The following ZBTB43 variants were observed in gnomAD, a reference collection of about 807,000 sequenced individuals.
The protein encoded by ZBTB43 is zinc finger and BTB domain containing 43.
Under a neutral mutation model 31.1 loss-of-function variants are expected in ZBTB43, and 6 were observed. The observed-to-expected ratio is 0.19, with a 90% CI of 0.11 to 0.38. The LOEUF is 0.38. Among genes scored for constraint, ZBTB43 ranks in the 10% least tolerant of loss-of-function variants. The pLI is 1.00. For synonymous variants in ZBTB43, 212 were observed against 221.7 expected, an observed-to-expected ratio of 0.96 and a Z score of 0.39; for missense variants, 379 against 602.1, an observed-to-expected ratio of 0.63 and a Z score of 3.88.
intron 1 of ZBTB43, among the ~76,000 whole-genome samples, chr9:126,807,388 C>T (rs1468018756): frequency 6.6e-6 from 1 of 152,168 alleles, no homozygotes; most frequent in Non-Finnish European, 1.5e-5. Flanking sequence ...AAGTTCTACT[C>T]TTCTGTGCAC....
chr9:126,827,021 G>C (rs1208628224), intron 2 of ZBTB43, among the ~76,000 whole-genome samples: 1 of 152,172 alleles, frequency 6.6e-6, no homozygotes, highest in African/African-American at 2.4e-5. Flanking sequence ...TGATACTGTG[G>C]TAACTCTGGA....
At chr9:126,826,792 C>G (rs925833912) in intron 2 of ZBTB43, among the ~76,000 whole-genome samples, 1 of 152,082 alleles carries the variant, frequency 6.6e-6, no homozygotes, top group African/African-American at 2.4e-5. Flanking sequence ...GTTTCTGTCT[C>G]CTTATTGACA....
Position 126,836,796 on chromosome 9 carries a change from C to G in ZBTB43, c.*2883C>G, listed in dbSNP as rs766589655. 1 of 166,764 alleles carries G rather than the reference C, an allele frequency of 6.0e-6. No individual in the cohort carries two copies. Among genetic ancestry groups the G allele is most frequent in the Non-Finnish European group, 1.5e-5 (1 of 68,132 alleles). The allele number at this position is 166,764 out of a possible 1,614,324, so 10.3% of individuals were successfully genotyped here. A position where few individuals can be genotyped will look rare whatever the true frequency, so the allele number is the denominator to read the frequency against. ...ATGGGAAAGGGCTTCAAGGCACCAC[C>G]AGTGGTATTTAATATTCATACTTGG... On this transcript the variant is annotated 3_prime_UTR_variant, in exon 3 of 3. Transcript: ENST00000373464.
intron 2 of ZBTB43, among the ~76,000 whole-genome samples, chr9:126,809,699 C>T (rs1488310908): frequency 6.6e-6 from 1 of 151,994 alleles, no homozygotes; most frequent in Non-Finnish European, 1.5e-5. Context: ...CAGTATGTTG[C>T]CCTTCATCTG....
At chr9:126,804,721 G>A (rs1179669299), upstream of ZBTB43, among the ~76,000 whole-genome samples, 5 of 152,240 alleles carry the variant, frequency 3.3e-5, no homozygotes, top group African/African-American at 1.2e-4. Flanking sequence ...CTAGCCTCAA[G>A]CGATCATCCC....
rs200516560 is a variant in ZBTB43 at position 126,815,658 on chromosome 9, C to CTT, written c.-24+6755_-24+6756dup. On this transcript the variant is annotated intron_variant, in intron 2 of 2. Coordinates refer to ENST00000373464, the MANE Select transcript of ZBTB43 (RefSeq NM_014007.4). The stretch of plus-strand genomic sequence containing the variant: ...TTTATTTGGGTCTCTCTCTCTCTCT[C>CTT]TTTTTTTTTTTTTCAATAGTTTCCC... Among the ~76,000 whole-genome samples the CTT allele has an allele frequency of 2.4e-5, 3 of 122,746 alleles. No homozygotes were observed. The Admixed American group carries it at 2.5e-4, about 10-fold the overall frequency. The allele number at this position is 122,746 out of a possible 152,430, so 80.5% of individuals were successfully genotyped here.
rs765160298 is a variant in ZBTB43, at chr9:126,833,319, A to G, written c.810A>G (p.Thr270=). 3 of 1,612,988 alleles carry G rather than the reference A, an allele frequency of 1.9e-6. No individual in the cohort carries two copies. Among genetic ancestry groups the G allele is most frequent in the Non-Finnish European group, 2.5e-6 (3 of 1,179,558 alleles). ...VHATYDEHQV[T]ESINTVQTEH... is the part of the protein sequence containing the mutation. ...CGACCTACGACGAGCACCAGGTCAC[A>G]GAGTCCATCAACACCGTGCAGACAG... Residue 270 remains threonine (T), a synonymous_variant, in exon 3 of 3, where the codon ACA becomes ACG. Coordinates refer to ENST00000373464, the MANE Select transcript of ZBTB43 (RefSeq NM_014007.4). The surrounding 1 kb of genome is among the most constrained non-coding windows in gnomAD (Gnocchi z 7.9).
chr9:126,814,839 A>G (rs1242668358), intron 2 of ZBTB43, among the ~76,000 whole-genome samples: 1 of 152,138 alleles, frequency 6.6e-6, no homozygotes, highest in Non-Finnish European at 1.5e-5. Flanking sequence ...CTTCACTTTG[A>G]AGATACTTTC....
intron 2 of ZBTB43, among the ~76,000 whole-genome samples, chr9:126,821,448 A>T (rs2032507149): frequency 6.6e-6 from 1 of 152,210 alleles, no homozygotes; most frequent in South Asian, 2.1e-4. Context: ...GCCGTTAAGA[A>T]CATTCGTGAT....
intron 2 of ZBTB43, among the ~76,000 whole-genome samples, chr9:126,828,923 A>G (rs2032709910): frequency 6.6e-6 from 1 of 152,090 alleles, no homozygotes; most frequent in Non-Finnish European, 1.5e-5. Context: ...AGAGAAAACC[A>G]CAAATGACCA....
intron 1 of ZBTB43, among the ~76,000 whole-genome samples, chr9:126,807,912 C>T (rs2032162989): frequency 6.6e-6 from 1 of 152,182 alleles, no homozygotes; most frequent in Non-Finnish European, 1.5e-5. Context: ...CTGGGATTAA[C>T]AAGTGTGAGC....
intron 2 of ZBTB43, among the ~76,000 whole-genome samples, chr9:126,816,219 C>T (rs1022852880): frequency 6.6e-5 from 10 of 152,302 alleles, no homozygotes; most frequent in Admixed American, 3.3e-4. Flanking sequence ...TCTTCTCTCT[C>T]GCTGTTTTCA....
chr9:126,815,242 CTATATA>C (rs533551308), intron 2 of ZBTB43, among the ~76,000 whole-genome samples: 3 of 26,562 alleles, frequency 1.1e-4, no homozygotes, highest in South Asian at 1.9e-3. Flanking sequence ...ATATATAAAA[CTATATA>C]TATATAGTTT....
At chr9:126,820,852 C>G (rs567211647) in intron 2 of ZBTB43, among the ~76,000 whole-genome samples, 5 of 151,132 alleles carry the variant, frequency 3.3e-5, no homozygotes, top group African/African-American at 1.2e-4. Flanking sequence ...CTTGTAGTCC[C>G]ACCTACCCAG....
chr9:126,816,165 C>T (rs1039933618), intron 2 of ZBTB43, among the ~76,000 whole-genome samples: 3 of 152,124 alleles, frequency 2.0e-5, no homozygotes, highest in South Asian at 2.1e-4. Context: ...AGGACATTAA[C>T]GGGCTGTACA....
chr9:126,838,052 C>G lies in ZBTB43; in HGVS notation c.*4139C>G, dbSNP rs983806283. On this transcript the variant is annotated 3_prime_UTR_variant, in exon 3 of 3. Coordinates refer to ENST00000373464, the MANE Select transcript of ZBTB43 (RefSeq NM_014007.4). ...TTTGTGAAATGTTATGCCTATGTTG[C>G]AAAAGTTGAATAGTTTTGTCTTTAT... 1.2e-5 allele frequency: 2 copies of G among 166,896 alleles called. No homozygotes were observed. Among genetic ancestry groups the G allele is most frequent in the Non-Finnish European group, 2.9e-5 (2 of 68,096 alleles). 10.3% of individuals were successfully genotyped at this position (166,896 alleles called of 1,614,324 possible).
Position 126,832,896 on chromosome 9 carries a change from C to A in ZBTB43, c.387C>A (p.Val129=). The A allele has an allele frequency of 6.2e-7, 1 of 1,613,956 alleles. No individual in the cohort carries two copies. The highest frequency in any genetic ancestry group is 8.5e-7 in the Non-Finnish European group (1 of 1,180,016). Residue 129 remains valine (V), a synonymous_variant, in exon 3 of 3, where the codon GTC becomes GTA. Coordinates refer to ENST00000373464, the MANE Select transcript of ZBTB43 (RefSeq NM_014007.4). ...AAGTTTTAGAGGGAAACCCTACAGT[C>A]CTTTGTCAGAAGCTAAATCATGGCA... ...CTEVLEGNPT[V]LCQKLNHGSD... is the part of the protein sequence containing the mutation.
At position 126,832,524 on chromosome 9, in the gene ZBTB43, A is replaced by C. The variant is rs372479585; in HGVS notation, c.15A>C (p.Thr5=). 6.2e-7 allele frequency: 1 copy of C among 1,606,094 alleles called. No homozygotes were observed. Among genetic ancestry groups the C allele is most frequent in the Non-Finnish European group, 8.5e-7 (1 of 1,173,422 alleles). Residue 5 remains threonine (T), a synonymous_variant, in exon 3 of 3, where the codon ACA becomes ACC. Coordinates refer to ENST00000373464, the MANE Select transcript of ZBTB43 (RefSeq NM_014007.4). MEPG[T]NSFRVEFPDF... ...TTTGTGATGAAATGGAGCCTGGAAC[A>C]AACTCTTTTCGGGTAGAATTTCCTG...
chr9:126,805,719 C>T (rs771668657), intron 1 of ZBTB43, among the ~76,000 whole-genome samples: 2 of 152,232 alleles, frequency 1.3e-5, no homozygotes. Flanking sequence ...CTGTCTCCAC[C>T]TTGCTTCTGT....
Sources: allele counts gnomAD v4.1 joint callset (sites outside exome capture counted in the v4.1 genomes callset), GRCh38; gene constraint gnomAD v4.1.1; non-coding constraint Gnocchi (gnomAD v3.1); transcripts MANE v1.5; gene names NCBI Gene and HGNC (gene_info 2026-07-23, HGNC 2026-07-21).